NRG1: variants seen among roughly 807,000 people sequenced by gnomAD.
NRG1 encodes the protein neuregulin 1.
Under a neutral mutation model 63.8 loss-of-function variants are expected in NRG1, and 18 were observed. The observed-to-expected ratio is 0.28, with a 90% CI of 0.19 to 0.42. The LOEUF is 0.42. NRG1 is among the 10% of genes least tolerant of loss of function. NRG1 has a pLI of 1.00. For missense variants in NRG1, 762 were observed against 814.7 expected (o/e 0.94, Z 0.79); for synonymous variants, 302 against 301.3 (o/e 1.00, Z -0.02).
chr8:32,102,925 A>G (rs1460749713), intron 1 of NRG1, among the ~76,000 whole-genome samples: 9 of 152,002 alleles, frequency 5.9e-5, no homozygotes, highest in African/African-American at 1.9e-4. Flanking sequence ...GGTACACAGT[A>G]GGTGTCTATA....
intron 5 of NRG1, among the ~76,000 whole-genome samples, chr8:32,634,118 A>AAAAAAAAAAAAAAAAAAAAAAAATT (rs1850869778): frequency 6.7e-6 from 1 of 150,080 alleles, no homozygotes; most frequent in African/African-American, 2.5e-5. Context: ...AAAAAAAAAA[A>AAAAAAAAAAAAAAAAAAAAAAAATT]GGTTGCATAA....
intron 1 of NRG1, among the ~76,000 whole-genome samples, chr8:32,061,503 C>G (rs1352842544): frequency 3.3e-5 from 5 of 151,872 alleles, no homozygotes; most frequent in Admixed American, 1.3e-4. Context: ...CCAGATATTC[C>G]CGCCTTCCAC....
chr8:32,339,347 G>T (rs897581770), intron 1 of NRG1, among the ~76,000 whole-genome samples: 2 of 152,080 alleles, frequency 1.3e-5, no homozygotes, highest in Non-Finnish European at 2.9e-5. Flanking sequence ...TACTCACTTT[G>T]TCTCTTAGAT....
intron 1 of NRG1, among the ~76,000 whole-genome samples, chr8:32,392,475 G>A (rs747439649): frequency 1.2e-4 from 18 of 151,900 alleles, no homozygotes; most frequent in Non-Finnish European, 1.9e-4. Flanking sequence ...CCCTTTTTTC[G>A]CATCTCCATG....
intron 1 of NRG1, among the ~76,000 whole-genome samples, chr8:32,076,735 T>A (rs1455271531): frequency 1.1e-4 from 15 of 133,406 alleles, no homozygotes; most frequent in Admixed American, 1.0e-3. Context: ...AAAAAAAAAA[T>A]TAAGTCATGT....
chr8:32,028,123 A>G (rs377184092), intron 1 of NRG1, among the ~76,000 whole-genome samples: 2 of 152,158 alleles, frequency 1.3e-5, no homozygotes, highest in African/African-American at 4.8e-5. Context: ...TACTATTTTT[A>G]TATTACTAAT....
chr8:31,965,003 G>A (rs544503439), intron 1 of NRG1, among the ~76,000 whole-genome samples: 1 of 152,174 alleles, frequency 6.6e-6, no homozygotes, highest in Non-Finnish European at 1.5e-5. Flanking sequence ...CCATCGTTAG[G>A]GCCAAAGCAT....
chr8:31,653,352 C>T (rs953484692), intron 1 of NRG1, among the ~76,000 whole-genome samples: 5 of 152,024 alleles, frequency 3.3e-5, no homozygotes, highest in East Asian at 1.9e-4. Context: ...CTGCAGTAAC[C>T]GATGATACCC....
In NRG1 at chr8:32,742,726, C is replaced by T. The variant is rs1826635532; in HGVS notation, c.684C>T (p.Ser228=). 2 of 1,613,666 alleles carry T rather than the reference C, an allele frequency of 1.2e-6. No homozygotes were observed. The highest frequency in any genetic ancestry group is 4.5e-5 in the East Asian group (2 of 44,872). ...GCTGCCAAAACTACGTAATGGCCAG[C>T]TTCTACAGTACGTCCACTCCCTTTC... The change falls in exon 7 of 12, where the codon AGC becomes AGT. Residue 228 remains serine (S), a synonymous_variant. Coordinates refer to ENST00000356819, the Ensembl canonical transcript of NRG1. The surrounding 1 kb of genome is among the most constrained non-coding windows in gnomAD (Gnocchi z 4.2).
chr8:32,226,243 A>G (rs1194452244), intron 1 of NRG1, among the ~76,000 whole-genome samples: 1 of 152,174 alleles, frequency 6.6e-6, no homozygotes, highest in Non-Finnish European at 1.5e-5. Context: ...CCGGCTCTTG[A>G]TATGAAACTA....
chr8:32,434,184 C>CAAAGTAAAAT (rs1818503949), intron 1 of NRG1, among the ~76,000 whole-genome samples: 1 of 146,338 alleles, frequency 6.8e-6, no homozygotes, highest in Non-Finnish European at 1.5e-5. Flanking sequence ...GACTCCATCT[C>CAAAGTAAAAT]AAAATAAAAT....
intron 7 of NRG1, among the ~76,000 whole-genome samples, chr8:32,745,007 C>G (rs1827163609): frequency 6.6e-6 from 1 of 152,096 alleles, no homozygotes; most frequent in African/African-American, 2.4e-5. Flanking sequence ...CATTTATGAA[C>G]AATATATGTA....
intron 1 of NRG1, among the ~76,000 whole-genome samples, chr8:31,663,739 T>C (rs887544040): frequency 4.6e-5 from 7 of 152,216 alleles, no homozygotes; most frequent in Non-Finnish European, 1.0e-4. Flanking sequence ...ACTTTGCTTT[T>C]GATAGGTGAG....
rs550854739 is a variant in NRG1, at chr8:32,236,942, C to T, written c.38-358886C>T. On this transcript the variant is annotated intron_variant, in intron 1 of 10. Coordinates refer to the NRG1 transcript ENST00000519301. ...CTCCAAGATGAGTGTGATGCTATCA[C>T]GGTGCAGGATAACAGAGATGTACCG... Among the ~76,000 whole-genome samples the T allele has an allele frequency of 1.3e-3, 193 of 152,122 alleles. 1 individual carries two copies. Among genetic ancestry groups the T allele is most frequent in the African/African-American group, 4.2e-3 (176 of 41,496 alleles).
At chr8:32,488,843 C>A (rs1826203531) in intron 1 of NRG1, among the ~76,000 whole-genome samples, 1 of 152,128 alleles carries the variant, frequency 6.6e-6, no homozygotes, top group Non-Finnish European at 1.5e-5. Context: ...TAACGACAGG[C>A]ACCTGGCCCA....
At chr8:31,990,705 C>A (rs1286707676) in intron 1 of NRG1, among the ~76,000 whole-genome samples, 1 of 152,112 alleles carries the variant, frequency 6.6e-6, no homozygotes, top group Non-Finnish European at 1.5e-5. Flanking sequence ...CAAGTGGCAT[C>A]CCTTTTCTTC....
At chr8:31,963,437 C>T (rs762969034) in intron 1 of NRG1, among the ~76,000 whole-genome samples, 50 of 152,278 alleles carry the variant, frequency 3.3e-4, no homozygotes, top group Admixed American at 1.9e-3. Flanking sequence ...TTGGATACAT[C>T]AGCCTTAGCA....
chr8:32,495,709 G>T (rs567628435), intron 1 of NRG1, among the ~76,000 whole-genome samples: 223 of 152,214 alleles, frequency 1.5e-3, no homozygotes, highest in Admixed American at 2.5e-3. Context: ...TGATCCACCC[G>T]CTTCAGCCTC....
At chr8:32,002,889 C>G (rs1477786994) in intron 1 of NRG1, among the ~76,000 whole-genome samples, 3 of 151,962 alleles carry the variant, frequency 2.0e-5, no homozygotes, top group Admixed American at 6.6e-5. Flanking sequence ...TAGCCTATTC[C>G]CCTTGTTTTT....
Sources: allele counts gnomAD v4.1 joint callset (sites outside exome capture counted in the v4.1 genomes callset), GRCh38; gene constraint gnomAD v4.1.1; non-coding constraint Gnocchi (gnomAD v3.1); transcripts MANE v1.5; gene names NCBI Gene and HGNC (gene_info 2026-07-23, HGNC 2026-07-21).